Variants in BDH1 observed in about 807,000 individuals in gnomAD.
BDH1 encodes the protein D-beta-hydroxybutyrate dehydrogenase, mitochondrial.
A neutral mutation model predicts 33.1 loss-of-function variants in BDH1; 30 were observed. That is an observed-to-expected ratio of 0.91 (90% CI 0.68 to 1.23). BDH1 has a LOEUF of 1.23. BDH1 is among the 50% of genes most tolerant of loss of function. BDH1 has a pLI of 0.00. For missense variants in BDH1, 443 were observed against 464.4 expected (o/e 0.95, Z 0.42); for synonymous variants, 190 against 183.6 (o/e 1.03, Z -0.28).
At chr3:197,553,022 A>G (rs1203379841) in intron 2 of BDH1, among the ~76,000 whole-genome samples, 1 of 151,848 alleles carries the variant, frequency 6.6e-6, no homozygotes, top group Non-Finnish European at 1.5e-5. Flanking sequence ...GGTTCAAGCA[A>G]TCCTCCTGCC....
chr3:197,562,477 A>T (rs553484376), intron 1 of BDH1, among the ~76,000 whole-genome samples: 132 of 152,308 alleles, frequency 8.7e-4, no homozygotes, highest in Non-Finnish European at 1.5e-3. Context: ...GCCTCGTGGG[A>T]GCGTCTGGGG....
At chr3:197,560,344 T>C (rs1276204602), upstream of BDH1, among the ~76,000 whole-genome samples, 1 of 152,258 alleles carries the variant, frequency 6.6e-6, no homozygotes, top group Non-Finnish European at 1.5e-5. Context: ...CATTAGGTCA[T>C]AGCCTGTTCC....
chr3:197,515,102 C>A (rs1401073145), intron 6 of BDH1, among the ~76,000 whole-genome samples: 1 of 152,214 alleles, frequency 6.6e-6, no homozygotes, highest in South Asian at 2.1e-4. Flanking sequence ...GGGAACTCGG[C>A]GCTGCTTTAT....
At chr3:197,565,934 C>T (rs547299629) in intron 1 of BDH1, among the ~76,000 whole-genome samples, 10 of 152,302 alleles carry the variant, frequency 6.6e-5, no homozygotes, top group South Asian at 2.1e-4. Context: ...AAGCTAACTG[C>T]GTGAGCTGAT....
chr3:197,569,834 A>C (rs1357968825), intron 1 of BDH1, among the ~76,000 whole-genome samples: 1 of 152,232 alleles, frequency 6.6e-6, no homozygotes, highest in African/African-American at 2.4e-5. Flanking sequence ...AAAACAGACT[A>C]ATACAGTAAA....
chr3:197,566,867 G>C (rs1266149570), intron 1 of BDH1, among the ~76,000 whole-genome samples: 1 of 151,530 alleles, frequency 6.6e-6, no homozygotes, highest in Non-Finnish European at 1.5e-5. Context: ...TCCTAATTTG[G>C]AGTCACTGAA....
chr3:197,525,906 C>T lies in BDH1; in HGVS notation c.268-3125G>A, dbSNP rs1425475460. On this transcript the variant is annotated intron_variant, in intron 5 of 7. Transcript: ENST00000392379. The surrounding 1 kb of genome is among the most constrained non-coding windows in gnomAD (Gnocchi z 4.9). The stretch of plus-strand genomic sequence containing the variant: ...GTCTGTGTGCTCCCTCTGCTGGTCT[C>T]CGTGCTCCCTCTGCAGGTCTCTGGA... Among the ~76,000 whole-genome samples, 4 of 151,464 alleles carry T rather than the reference C, an allele frequency of 2.6e-5. No individual in the cohort carries two copies. The highest frequency in any genetic ancestry group is 6.6e-5 in the Admixed American group (1 of 15,254).
chr3:197,548,405 T>C (rs1307393899), intron 2 of BDH1, among the ~76,000 whole-genome samples: 1 of 152,250 alleles, frequency 6.6e-6, no homozygotes, highest in Non-Finnish European at 1.5e-5. Flanking sequence ...CAGTCATCTA[T>C]AATTAAAGTC....
rs1232037406 is a variant in BDH1, at chr3:197,522,403, C to T, written c.409+237G>A. On this transcript the variant is annotated intron_variant, in intron 6 of 7. Coordinates refer to ENST00000392379, the MANE Select transcript of BDH1 (RefSeq NM_203314.3). The surrounding 1 kb of genome is among the most constrained non-coding windows in gnomAD (Gnocchi z 4.8). Reference sequence around the variant, plus strand: ...TTGGCTGAACTGACCTGAATCAGTGCGTAGCCACCTAGCACTCCGTGAACT... The same window carrying T: ...TTGGCTGAACTGACCTGAATCAGTGTGTAGCCACCTAGCACTCCGTGAACT... 2.0e-5 allele frequency among the ~76,000 whole-genome samples: 3 copies of T among 152,184 alleles called. No individual in the cohort carries two copies. Among genetic ancestry groups the T allele is most frequent in the African/African-American group, 4.8e-5 (2 of 41,444 alleles).
intron 3 of BDH1, among the ~76,000 whole-genome samples, chr3:197,545,559 A>G (rs572534599): frequency 1.1e-4 from 17 of 152,350 alleles, no homozygotes; most frequent in African/African-American, 3.8e-4. Context: ...CCCGGCAGGA[A>G]GAAACTAAAA....
chr3:197,541,734 C>G (rs1372036994), intron 3 of BDH1, among the ~76,000 whole-genome samples: 2 of 152,146 alleles, frequency 1.3e-5, no homozygotes, highest in Non-Finnish European at 2.9e-5. Flanking sequence ...GGCACAGACA[C>G]TTTTTCCCTC....
chr3:197,526,540 C>T lies in BDH1; in HGVS notation c.268-3759G>A, dbSNP rs1413829704. ...GACTGCCACTCCAGACGCAGGGCAG[C>T]GTGCCTCCCCCAGCCGGGCATCTGC... On this transcript the variant is annotated intron_variant, in intron 5 of 7. Transcript: ENST00000392379. The surrounding 1 kb of genome is among the most constrained non-coding windows in gnomAD (Gnocchi z 4.7). Among the ~76,000 whole-genome samples, 3 of 152,216 alleles carry T rather than the reference C, an allele frequency of 2.0e-5. No individual in the cohort carries two copies. Among genetic ancestry groups the T allele is most frequent in the South Asian group, 4.1e-4 (2 of 4,832 alleles).
In BDH1 at chr3:197,522,719, G is replaced by T; in HGVS notation, c.330C>A (p.Val110=). The T allele has an allele frequency of 1.2e-6, 2 of 1,614,184 alleles. No individual in the cohort carries two copies. Among genetic ancestry groups the T allele is most frequent in the Non-Finnish European group, 1.7e-6 (2 of 1,180,026 alleles). ...CTTCGCTGCTGCAGACATTGAGCTG[G>T]ACGGTTCTCAATCGGTCACTGTTTA... ...DSLNSDRLRT[V]QLNVCSSEEV... Residue 110 remains valine (V), a synonymous_variant, in exon 6 of 8, where the codon GTC becomes GTA. Transcript: ENST00000392379. The surrounding 1 kb of genome is among the most constrained non-coding windows in gnomAD (Gnocchi z 4.8).
At chr3:197,573,119 A>T (rs1481182639) in intron 1 of BDH1, 1 of 152,082 alleles carries the variant, frequency 6.6e-6, no homozygotes, top group East Asian at 1.9e-4. Context: ...CCATGGCTCA[A>T]ATTTTCTTCT....
rs1021318019 is a variant in BDH1, at chr3:197,528,564, C to T, written c.267+3848G>A. 1.3e-5 allele frequency: 2 copies of T among 152,228 alleles called. No homozygotes were observed. The highest frequency in any genetic ancestry group is 4.8e-5 in the African/African-American group (2 of 41,438). 9.4% of individuals were successfully genotyped at this position (152,228 alleles called of 1,614,324 possible). A position where few individuals can be genotyped will look rare whatever the true frequency, so the allele number is the denominator to read the frequency against. On this transcript the variant is annotated intron_variant, in intron 5 of 7. Transcript: ENST00000392379. The surrounding 1 kb of genome is among the most constrained non-coding windows in gnomAD (Gnocchi z 5.1). ...GAAGCAAATTCCCCCTTTCAACCCC[C>T]ACGGTGCCTTATCCAAAGCCTCTGG...
intron 3 of BDH1, among the ~76,000 whole-genome samples, chr3:197,535,094 A>T (rs1435781866): frequency 6.6e-6 from 1 of 152,086 alleles, no homozygotes; most frequent in East Asian, 1.9e-4. Context: ...TGAGGACTCC[A>T]CCTTTATGAC....
At chr3:197,556,566 G>T (rs1717056102), upstream of BDH1, among the ~76,000 whole-genome samples, 1 of 152,228 alleles carries the variant, frequency 6.6e-6, no homozygotes, top group Non-Finnish European at 1.5e-5. Context: ...TACTCGGGAG[G>T]CTGAGGCAGG....
chr3:197,564,822 C>T lies in BDH1; in HGVS notation c.-44+8359G>A, dbSNP rs114074683. Reference sequence around the variant, plus strand: ...TAAAGGTTATAAAGGTTATGAAAGGCTTATGGAAGTTATAGCTTATGGTCA... The same window carrying T: ...TAAAGGTTATAAAGGTTATGAAAGGTTTATGGAAGTTATAGCTTATGGTCA... On this transcript the variant is annotated intron_variant, in intron 1 of 6. Coordinates refer to the BDH1 transcript ENST00000358186. 8.9e-3 allele frequency among the ~76,000 whole-genome samples: 1,347 copies of T among 152,190 alleles called. 22 individuals are homozygous for T. Among genetic ancestry groups the T allele is most frequent in the African/African-American group, 0.031 (1,276 of 41,512 alleles).
Position 197,531,414 on chromosome 3 carries a change from A to T in BDH1, c.267+998T>A, listed in dbSNP as rs71325616. ...TCTGTCTCAAAAACATAAATTAAAA[A>T]AAAAATATATATATATATATATGTG... is the stretch of plus-strand genomic sequence containing the variant. On this transcript the variant is annotated intron_variant, in intron 5 of 7. Coordinates refer to ENST00000392379, the MANE Select transcript of BDH1 (RefSeq NM_203314.3). 5.9e-3 allele frequency among the ~76,000 whole-genome samples: 741 copies of T among 125,552 alleles called. 8 individuals are homozygous for T. Among genetic ancestry groups the T allele is most frequent in the African/African-American group, 0.018 (624 of 34,216 alleles). The allele number at this position is 125,552 out of a possible 152,430, so 82.4% of individuals were successfully genotyped here.
Sources: allele counts gnomAD v4.1 joint callset (sites outside exome capture counted in the v4.1 genomes callset), GRCh38; gene constraint gnomAD v4.1.1; non-coding constraint Gnocchi (gnomAD v3.1); transcripts MANE v1.5; gene names NCBI Gene and HGNC (gene_info 2026-07-23, HGNC 2026-07-21).